Variants in SNX29 observed in about 807,000 individuals in gnomAD.
SNX29 encodes the protein sorting nexin-29.
A neutral mutation model predicts 102.1 loss-of-function variants in SNX29; 78 were observed. That is an observed-to-expected ratio of 0.76 (90% CI 0.64 to 0.92). The LOEUF (loss-of-function observed/expected upper bound fraction) is 0.92. SNX29 is among the 40% of genes least tolerant of loss of function. The pLI, the probability that SNX29 is intolerant of heterozygous loss-of-function variation, is 0.00. For missense variants in SNX29, 1,280 were observed against 1,061.7 expected (o/e 1.21, Z -2.86); for synonymous variants, 580 against 414.5 (o/e 1.40, Z -4.85).
chr16:12,098,608 G>A lies in SNX29; in HGVS notation c.1402+19693G>A, dbSNP rs1453986386. 6.6e-6 allele frequency among the ~76,000 whole-genome samples: 1 copy of A among 152,086 alleles called. No individual in the cohort carries two copies. Among genetic ancestry groups the A allele is most frequent in the East Asian group, 1.9e-4 (1 of 5,192 alleles). On this transcript the variant is annotated intron_variant, in intron 11 of 20. Transcript: ENST00000566228. This position sits in a 1 kb window ranked among gnomAD's most constrained non-coding sequence, Gnocchi z 6.0. ...TCAGTTTCATGCTCTTCCGTCTGCC[G>A]GGACACCCTCCCCTCTCCTCCTCTT...
At chr16:12,564,824 C>T (rs1388665519) in intron 20 of SNX29, among the ~76,000 whole-genome samples, 1 of 144,436 alleles carries the variant, frequency 6.9e-6, no homozygotes, top group Non-Finnish European at 1.5e-5. Flanking sequence ...CTCGGTGGTA[C>T]ACAACGCTGA....
intron 15 of SNX29, among the ~76,000 whole-genome samples, chr16:12,353,343 G>T (rs1056640235): frequency 1.3e-5 from 2 of 152,150 alleles, no homozygotes; most frequent in African/African-American, 4.8e-5. Flanking sequence ...CTCCTGTCAT[G>T]ATCACCCATG....
chr16:12,183,063 G>A (rs1471931304), intron 13 of SNX29, among the ~76,000 whole-genome samples: 2 of 151,928 alleles, frequency 1.3e-5, no homozygotes, highest in African/African-American at 4.8e-5. Flanking sequence ...GAGTGCAGTA[G>A]ATCATAGCTC....
chr16:12,364,682 A>G (rs1240065695), intron 16 of SNX29, among the ~76,000 whole-genome samples: 1 of 152,166 alleles, frequency 6.6e-6, no homozygotes, highest in African/African-American at 2.4e-5. Context: ...CCCATGGTGG[A>G]TGCAAACACG....
At chr16:12,256,530 G>T (rs1304955524) in intron 14 of SNX29, among the ~76,000 whole-genome samples, 3 of 152,132 alleles carry the variant, frequency 2.0e-5, no homozygotes, top group Admixed American at 6.5e-5. Context: ...GTTTCACCAT[G>T]TAGGCCAGGC....
intron 3 of SNX29, among the ~76,000 whole-genome samples, chr16:12,006,356 AAATAC>A: frequency 6.6e-6 from 1 of 151,882 alleles, no homozygotes; most frequent in Middle Eastern, 3.4e-3. Flanking sequence ...TCTCTACTTA[AAATAC>A]AAAATTAGCC....
At chr16:12,014,592 C>T (rs1481636419) in intron 3 of SNX29, among the ~76,000 whole-genome samples, 2 of 151,516 alleles carry the variant, frequency 1.3e-5, no homozygotes, top group Non-Finnish European at 2.9e-5. Flanking sequence ...ATTAGTTGGG[C>T]GTGGTGGTGC....
At chr16:12,179,364 A>G (rs2076332067) in intron 13 of SNX29, among the ~76,000 whole-genome samples, 1 of 152,224 alleles carries the variant, frequency 6.6e-6, no homozygotes, top group Non-Finnish European at 1.5e-5. Context: ...GCACACCTGT[A>G]GGCCTAGCTA....
intron 18 of SNX29, among the ~76,000 whole-genome samples, chr16:12,435,106 C>G (rs181353480): frequency 6.6e-6 from 1 of 152,272 alleles, no homozygotes; most frequent in East Asian, 1.9e-4. Context: ...GATCACATCA[C>G]TTTGCCATTT....
intron 20 of SNX29, among the ~76,000 whole-genome samples, chr16:12,562,749 T>G (rs2141495325): frequency 6.6e-6 from 1 of 152,318 alleles, no homozygotes; most frequent in East Asian, 1.9e-4. Flanking sequence ...GCATAGTTCC[T>G]TGAGTTTTCA....
intron 14 of SNX29, among the ~76,000 whole-genome samples, chr16:12,225,073 T>C (rs1272492327): frequency 4.6e-5 from 7 of 152,220 alleles, no homozygotes; most frequent in Admixed American, 3.9e-4. Flanking sequence ...ACATCTGTTA[T>C]TCTAACAAAC....
At chr16:12,078,051 C>T (rs1487777177) in intron 10 of SNX29, among the ~76,000 whole-genome samples, 1 of 152,212 alleles carries the variant, frequency 6.6e-6, no homozygotes, top group Non-Finnish European at 1.5e-5. Context: ...CACTGTAAGC[C>T]ATGCCTGAAT....
chr16:12,205,563 T>C (rs2077024557), intron 14 of SNX29, among the ~76,000 whole-genome samples: 1 of 151,654 alleles, frequency 6.6e-6, no homozygotes, highest in Non-Finnish European at 1.5e-5. Flanking sequence ...GGCTCCTGCC[T>C]CAGGCTCTTT....
At chr16:12,484,789 C>T (rs2088145215) in intron 19 of SNX29, among the ~76,000 whole-genome samples, 1 of 152,206 alleles carries the variant, frequency 6.6e-6, no homozygotes, top group Non-Finnish European at 1.5e-5. Flanking sequence ...CTGCTGCCCT[C>T]AGTCACTCTC....
intron 20 of SNX29, among the ~76,000 whole-genome samples, chr16:12,538,342 G>T (rs184649788): frequency 1.9e-4 from 29 of 152,050 alleles, no homozygotes; most frequent in African/African-American, 4.6e-4. Context: ...GGATGGTCTC[G>T]GTCTTCCAAA....
chr16:12,162,185 G>T (rs9930975), intron 13 of SNX29, among the ~76,000 whole-genome samples: 2 of 152,128 alleles, frequency 1.3e-5, no homozygotes, highest in Admixed American at 1.3e-4. Flanking sequence ...TCTTCCCTCA[G>T]ATCTCAGCAC....
intron 20 of SNX29, among the ~76,000 whole-genome samples, chr16:12,557,015 A>ACCCCCCCCCCCCCC (rs11387141): frequency 3.1e-5 from 1 of 31,812 alleles, no homozygotes; most frequent in African/African-American, 1.4e-4. Flanking sequence ...TGGCTAATTT[A>ACCCCCCCCCCCCCC]CCCCCCCCCC....
Position 12,571,457 on chromosome 16 carries a change from A to T in SNX29, c.*2828A>T, listed in dbSNP as rs1361565934. ...CGGAGATTTTCAAACAACATCTGAG[A>T]ACAGAAGCCCCCTCCCCTACTCAGA... On this transcript the variant is annotated 3_prime_UTR_variant, in exon 21 of 21. Coordinates refer to ENST00000566228, the MANE Select transcript of SNX29 (RefSeq NM_032167.5). 1 of 244,110 alleles carries T rather than the reference A, an allele frequency of 4.1e-6. No individual in the cohort carries two copies. Among genetic ancestry groups the T allele is most frequent in the Non-Finnish European group, 7.8e-6 (1 of 128,580 alleles). The allele number at this position is 244,110 out of a possible 1,614,324, so 15.1% of individuals were successfully genotyped here.
At chr16:12,562,834 C>T (rs1230704234) in intron 20 of SNX29, among the ~76,000 whole-genome samples, 1 of 152,160 alleles carries the variant, frequency 6.6e-6, no homozygotes, top group African/African-American at 2.4e-5. Context: ...TCCTAGCATT[C>T]CCCTATAGGC....
Sources: allele counts gnomAD v4.1 joint callset (sites outside exome capture counted in the v4.1 genomes callset), GRCh38; gene constraint gnomAD v4.1.1; non-coding constraint Gnocchi (gnomAD v3.1); transcripts MANE v1.5; gene names NCBI Gene and HGNC (gene_info 2026-07-23, HGNC 2026-07-21).